ECM2: variants seen among roughly 807,000 people sequenced by gnomAD.
The protein encoded by ECM2 is extracellular matrix protein 2, female organ and adipocyte specific.
In ECM2, 57 loss-of-function variants were observed where a neutral mutation model predicts 67.5. The observed-to-expected ratio is 0.84, with a 90% CI of 0.68 to 1.05. ECM2 has a LOEUF of 1.05. Among genes scored for constraint, ECM2 ranks in the 50% least tolerant of loss-of-function variants. The pLI is 0.00. For missense variants in ECM2, 741 were observed against 822.8 expected, an observed-to-expected ratio of 0.90 and a Z score of 1.22; for synonymous variants, 258 against 294.5, an observed-to-expected ratio of 0.88 and a Z score of 1.27.
intron 3 of ECM2, 68 bp from the exon 4 acceptor site, chr9:92,515,271 T>C: frequency 7.2e-7 from 1 of 1,395,808 alleles, no homozygotes; most frequent in East Asian, 2.5e-5. Context: ...AAAACCATAA[T>C]GAAAATGAGG....
At chr9:92,522,110 G>C (rs945001020) in intron 2 of ECM2, among the ~76,000 whole-genome samples, 3 of 151,938 alleles carry the variant, frequency 2.0e-5, no homozygotes, top group Non-Finnish European at 4.4e-5. Context: ...ATCTCGAGAC[G>C]GAGTCTTGCT....
intron 4 of ECM2, 117 bp downstream of exon 4, chr9:92,514,514 A>G (rs1193655193): frequency 8.8e-6 from 12 of 1,356,264 alleles, no homozygotes; most frequent in Non-Finnish European, 9.8e-6. Flanking sequence ...ACCTCAGGTG[A>G]TCTGGCCACC....
chr9:92,524,413 A>C (rs1179231272), intron 1 of ECM2, among the ~76,000 whole-genome samples: 1 of 152,162 alleles, frequency 6.6e-6, no homozygotes. Context: ...ATCCCTGTGA[A>C]GTCTGGTGGC....
chr9:92,554,091 G>T, the ECM2 span, among the ~76,000 whole-genome samples: 2 of 152,116 alleles, frequency 1.3e-5, no homozygotes, highest in Non-Finnish European at 2.9e-5. Context: ...CTTGTGTGCC[G>T]ATTTTGTTGA....
At chr9:92,494,101 C>A, downstream of ECM2, 6 of 1,597,658 alleles carry the variant, frequency 3.8e-6, no homozygotes, top group Non-Finnish European at 5.1e-6. Context: ...GAGGAAAGGC[C>A]ACATCTGATC....
At chr9:92,533,854 G>A (rs1849008044) in intron 1 of ECM2, among the ~76,000 whole-genome samples, 2 of 151,910 alleles carry the variant, frequency 1.3e-5, no homozygotes, top group South Asian at 4.2e-4. Flanking sequence ...TAGTGTTGCC[G>A]ATGAGAAATT....
At chr9:92,503,372 C>T (rs1279311194) in intron 7 of ECM2, among the ~76,000 whole-genome samples, 1 of 152,194 alleles carries the variant, frequency 6.6e-6, no homozygotes, top group East Asian at 1.9e-4. Flanking sequence ...ATGACTAATG[C>T]TGAGAGGGGC....
chr9:92,494,934 T>C (rs146527383), downstream of ECM2, among the ~76,000 whole-genome samples: 39 of 152,238 alleles, frequency 2.6e-4, no homozygotes, highest in Non-Finnish European at 4.3e-4. Flanking sequence ...CATTATGGAA[T>C]AAGTCAAACT....
At chr9:92,529,704 GCCAA>G (rs1434924018) in intron 1 of ECM2, among the ~76,000 whole-genome samples, 1 of 152,092 alleles carries the variant, frequency 6.6e-6, no homozygotes, top group Non-Finnish European at 1.5e-5. Context: ...AATGAAATAA[GCCAA>G]CCTGAGATGG....
chr9:92,525,846 C>T (rs757452067), intron 1 of ECM2, among the ~76,000 whole-genome samples: 4 of 139,000 alleles, frequency 2.9e-5, no homozygotes, highest in African/African-American at 5.5e-5. Context: ...GTAGCTAGGA[C>T]TACAGGTATG....
At chr9:92,514,554 C>T (rs573673005) in intron 4 of ECM2, 77 bp downstream of exon 4, 26 of 1,506,544 alleles carry the variant, frequency 1.7e-5, no homozygotes, top group African/African-American at 5.6e-5. Context: ...AGATTATAGG[C>T]GTGAGCCACC....
chr9:92,502,416 C>T, intron 8 of ECM2, 97 bp downstream of exon 8: 1 of 1,443,568 alleles, frequency 6.9e-7, no homozygotes, highest in Non-Finnish European at 9.6e-7. Context: ...GTATCGTCAC[C>T]TCCCTCACTT....
the ECM2 span, among the ~76,000 whole-genome samples, chr9:92,556,667 G>T: frequency 1.3e-5 from 2 of 152,166 alleles, no homozygotes; most frequent in African/African-American, 2.4e-5. Flanking sequence ...GCTCACTTTT[G>T]GTGTCTATTT....
chr9:92,522,971 T>A (rs1848170538), intron 1 of ECM2, 78 bp from the exon 2 acceptor site: 1 of 1,353,506 alleles, frequency 7.4e-7, no homozygotes, highest in East Asian at 2.5e-5. Flanking sequence ...TTTGCTTGTA[T>A]GCCTCAGTAG....
At chr9:92,509,213 T>C (rs1847190684) in intron 6 of ECM2, among the ~76,000 whole-genome samples, 1 of 151,394 alleles carries the variant, frequency 6.6e-6, no homozygotes, top group South Asian at 2.1e-4. Context: ...TGCCGTGGGG[T>C]GTGGAGTTAG....
intron 3 of ECM2, among the ~76,000 whole-genome samples, chr9:92,516,353 G>A (rs114951144): frequency 0.11 from 16,717 of 152,116 alleles, 999 homozygotes; most frequent in Middle Eastern, 0.15. Flanking sequence ...GTGAGCTACC[G>A]TGCCCAGCCA....
the ECM2 span, among the ~76,000 whole-genome samples, chr9:92,546,479 C>G: frequency 2.0e-5 from 3 of 152,154 alleles, no homozygotes; most frequent in South Asian, 2.1e-4. Flanking sequence ...AGCGAGTCCA[C>G]GAACCCACTG....
chr9:92,555,647 T>A, the ECM2 span, among the ~76,000 whole-genome samples: 1 of 152,216 alleles, frequency 6.6e-6, no homozygotes, highest in Non-Finnish European at 1.5e-5. Flanking sequence ...AACTTATTCA[T>A]CTCTTCTAGG....
At chr9:92,539,955 A>G (rs1849279602), upstream of ECM2, among the ~76,000 whole-genome samples, 1 of 152,210 alleles carries the variant, frequency 6.6e-6, no homozygotes, top group Non-Finnish European at 1.5e-5. Context: ...GTTATAGTAA[A>G]TAATGTATAC....
Sources: allele counts gnomAD v4.1 joint callset (sites outside exome capture counted in the v4.1 genomes callset), GRCh38; gene constraint gnomAD v4.1.1; transcripts MANE v1.5; gene names NCBI Gene and HGNC (gene_info 2026-07-23, HGNC 2026-07-21).